Variants in GLIS3 observed in about 807,000 individuals in gnomAD.
GLIS3 encodes zinc finger protein GLIS3.
A neutral mutation model predicts 78.6 loss-of-function variants in GLIS3; 53 were observed. That is an observed-to-expected ratio of 0.67 (90% CI 0.54 to 0.85). GLIS3 has a LOEUF of 0.85. GLIS3 is among the 40% of genes least tolerant of loss of function. The probability of loss-of-function intolerance (pLI) is 0.00; values close to 1 mark genes in which losing one functional copy is unlikely to be tolerated. For missense variants in GLIS3, 1,703 were observed against 1,231.1 expected, an observed-to-expected ratio of 1.38 and a Z score of -5.74; for synonymous variants, 684 against 509.9, an observed-to-expected ratio of 1.34 and a Z score of -4.60.
chr9:4,310,313 C>G (rs935383474), intron 3 of GLIS3: 1 of 151,802 alleles, frequency 6.6e-6, no homozygotes, highest in Non-Finnish European at 1.5e-5. Flanking sequence ...AGGTATAATC[C>G]CTCTTCTATA....
intron 4 of GLIS3, among the ~76,000 whole-genome samples, chr9:4,102,440 C>A (rs1339895204): frequency 2.0e-5 from 3 of 152,150 alleles, no homozygotes; most frequent in Non-Finnish European, 4.4e-5. Context: ...TGGTTCCTGT[C>A]ACTCAGTGTT....
At chr9:4,048,787 T>A (rs1206062121) in intron 4 of GLIS3, among the ~76,000 whole-genome samples, 4 of 152,210 alleles carry the variant, frequency 2.6e-5, no homozygotes, top group Non-Finnish European at 4.4e-5. Flanking sequence ...GCCTAGCCTA[T>A]GCACCTGTTA....
chr9:3,894,922 A>G (rs565545931), intron 7 of GLIS3, among the ~76,000 whole-genome samples: 32 of 152,236 alleles, frequency 2.1e-4, no homozygotes, highest in Middle Eastern at 3.4e-3. Context: ...AAACATCTCA[A>G]CCACACTGGC....
intron 9 of GLIS3, among the ~76,000 whole-genome samples, chr9:3,832,008 A>G (rs567091261): frequency 6.6e-6 from 1 of 151,978 alleles, no homozygotes; most frequent in South Asian, 2.1e-4. Flanking sequence ...GTGAAGAGCA[A>G]GTACTCTGGA....
At chr9:3,911,829 T>C (rs1254170250) in intron 6 of GLIS3, among the ~76,000 whole-genome samples, 1 of 152,136 alleles carries the variant, frequency 6.6e-6, no homozygotes, top group Non-Finnish European at 1.5e-5. Flanking sequence ...CATGCTGCCA[T>C]TTCTATTATT....
At chr9:4,197,562 T>C (rs1484704141) in intron 2 of GLIS3, among the ~76,000 whole-genome samples, 1 of 152,308 alleles carries the variant, frequency 6.6e-6, no homozygotes, top group East Asian at 1.9e-4. Flanking sequence ...GTCCGCCCAC[T>C]GGATTCTCCC....
the GLIS3 span, among the ~76,000 whole-genome samples, chr9:4,471,974 G>T: frequency 6.6e-6 from 1 of 152,176 alleles, no homozygotes; most frequent in Non-Finnish European, 1.5e-5. Flanking sequence ...TTCAAAAGAA[G>T]ACATTTATGC....
intron 2 of GLIS3, among the ~76,000 whole-genome samples, chr9:4,248,233 C>T (rs1032862779): frequency 7.1e-5 from 9 of 125,908 alleles, no homozygotes; most frequent in African/African-American, 2.0e-4. Context: ...TGTTATCCTT[C>T]CCCCAGCCCC....
intron 4 of GLIS3, among the ~76,000 whole-genome samples, chr9:3,998,463 T>G (rs1162906164): frequency 3.9e-5 from 6 of 152,052 alleles, no homozygotes; most frequent in Non-Finnish European, 8.8e-5. Flanking sequence ...ATTACAATAA[T>G]GTACTTACCT....
intron 2 of GLIS3, among the ~76,000 whole-genome samples, chr9:4,130,190 G>A (rs1182213868): frequency 6.6e-6 from 1 of 152,174 alleles, no homozygotes; most frequent in African/African-American, 2.4e-5. Context: ...AGCTGAAACT[G>A]GAAGTTATAT....
intron 4 of GLIS3, among the ~76,000 whole-genome samples, chr9:4,075,507 CG>C (rs1414687161): frequency 6.6e-6 from 1 of 151,588 alleles, no homozygotes; most frequent in Non-Finnish European, 1.5e-5. Flanking sequence ...ACCCAGGAGG[CG>C]GAGCTGGCTG....
At chr9:3,991,643 T>C (rs543079881) in intron 4 of GLIS3, among the ~76,000 whole-genome samples, 1 of 152,036 alleles carries the variant, frequency 6.6e-6, no homozygotes, top group African/African-American at 2.4e-5. Context: ...GGGGTTACTG[T>C]CATATTATTA....
At chr9:4,321,216 C>A (rs963326676) in intron 2 of GLIS3, among the ~76,000 whole-genome samples, 2 of 145,068 alleles carry the variant, frequency 1.4e-5, no homozygotes, top group South Asian at 2.2e-4. Flanking sequence ...GTCAGGAGAT[C>A]GAGACCATCC....
Position 4,025,628 on chromosome 9 carries a change from C to T in GLIS3, c.1711-88439G>A, listed in dbSNP as rs1021612098. On this transcript the variant is annotated intron_variant, in intron 4 of 10. Coordinates refer to ENST00000381971, the MANE Select transcript of GLIS3 (RefSeq NM_001042413.2). ...GTCTGCGTCTCCTGACCTTGTGATC[C>T]GCCCGTCTCAGCCTCCCAAAATGCT... Among the ~76,000 whole-genome samples the T allele has an allele frequency of 9.2e-5, 14 of 152,184 alleles. No individual in the cohort carries two copies. In the East Asian group the frequency reaches 1.5e-3, roughly 17 times the overall value.
At chr9:3,883,042 A>G (rs895229) in intron 7 of GLIS3, among the ~76,000 whole-genome samples, 31,488 of 152,064 alleles carry the variant, frequency 0.21, 3,399 homozygotes, top group African/African-American at 0.26. Flanking sequence ...AACAACAGAC[A>G]CAAGCATGCT....
At chr9:4,335,924 G>A (rs566378532) in intron 2 of GLIS3, among the ~76,000 whole-genome samples, 1 of 152,174 alleles carries the variant, frequency 6.6e-6, no homozygotes, top group Non-Finnish European at 1.5e-5. Context: ...GACAACCTAA[G>A]GTAAAAATTT....
the GLIS3 span, among the ~76,000 whole-genome samples, chr9:4,476,495 G>A: frequency 1.7e-4 from 26 of 152,040 alleles, no homozygotes; most frequent in African/African-American, 4.3e-4. Context: ...CCAAGTAGCC[G>A]GGATTACAGG....
rs140521181 is a variant in GLIS3, at chr9:4,036,602, C to T, written c.1710+81166G>A. Among the ~76,000 whole-genome samples, 688 of 152,234 alleles carry T rather than the reference C, an allele frequency of 4.5e-3. 8 individuals carry two copies. Among genetic ancestry groups the T allele is most frequent in the African/African-American group, 0.015 (641 of 41,544 alleles). On this transcript the variant is annotated intron_variant, in intron 4 of 10. Transcript: ENST00000381971. The stretch of plus-strand genomic sequence containing the variant: ...GACTCCAAGAGTGCTAGAGGAAAAA[C>T]AGAGAGGCTACTGTGAAGACCTGCA...
In GLIS3 at chr9:3,887,776, T is replaced by A. The variant is rs1483072503; in HGVS notation, c.2129-8181A>T. 3.9e-5 allele frequency among the ~76,000 whole-genome samples: 6 copies of A among 152,312 alleles called. 1 individual carries two copies. In the South Asian group the frequency reaches 1.0e-3, roughly 26 times the overall value. ...TTCCTAAATACCAGGTCTAATTAAC[T>A]TCATGTTAGGAAAAGCTCTGGAAAC... On this transcript the variant is annotated intron_variant, in intron 7 of 10. Coordinates refer to ENST00000381971, the MANE Select transcript of GLIS3 (RefSeq NM_001042413.2).
Sources: allele counts gnomAD v4.1 joint callset (sites outside exome capture counted in the v4.1 genomes callset), GRCh38; gene constraint gnomAD v4.1.1; transcripts MANE v1.5; gene names NCBI Gene and HGNC (gene_info 2026-07-23, HGNC 2026-07-21).